Variants in DEPDC1B observed in about 807,000 individuals in gnomAD.
DEPDC1B encodes the protein DEP domain containing 1B, also known as DEP domain-containing protein 1B.
DEPDC1B carries 51 observed loss-of-function variants against 66.5 expected under a neutral mutation model. That is an observed-to-expected ratio of 0.77 (90% CI 0.61 to 0.97). DEPDC1B has a LOEUF of 0.97. Ranked by LOEUF, DEPDC1B falls within the 50% of genes least tolerant of loss-of-function variation. The probability of loss-of-function intolerance (pLI) is 0.00; values close to 1 mark genes in which losing one functional copy is unlikely to be tolerated. For missense variants in DEPDC1B, 552 were observed against 637.1 expected, an observed-to-expected ratio of 0.87 and a Z score of 1.44; for synonymous variants, 226 against 223.6, an observed-to-expected ratio of 1.01 and a Z score of -0.10.
intron 5 of DEPDC1B, 102 bp downstream of exon 5, chr5:60,644,643 C>A: frequency 1.0e-6 from 1 of 975,626 alleles, no homozygotes; most frequent in Non-Finnish European, 1.4e-6. Flanking sequence ...AATGAAGGAA[C>A]AAACTTATTC....
In DEPDC1B at chr5:60,599,093, T is replaced by G. The variant is rs1194476477; in HGVS notation, c.1410A>C (p.Lys470Asn). The change falls in exon 10 of 11, where the codon AAA becomes AAC. Residue 470 changes from lysine to asparagine, a missense_variant. Lys to Asn is a moderately conservative substitution (Grantham distance 94). Transcript: ENST00000265036. Reference protein sequence around the residue: ...ITDAKLSNKEKKKKLKQFQKS... With the variant: ...ITDAKLSNKENKKKLKQFQKS... ...CTTTTACCTGCTTCAGTTTCTTCTT[T>G]TTCTCTTTGTTGGAGAGTTTGGCAT... 1 of 1,593,770 alleles carries G rather than the reference T, an allele frequency of 6.3e-7. No individual in the cohort carries two copies. Among genetic ancestry groups the G allele is most frequent in the South Asian group, 1.2e-5 (1 of 86,174 alleles).
chr5:60,667,823 T>A (rs1352665945), intron 2 of DEPDC1B, among the ~76,000 whole-genome samples: 2 of 125,466 alleles, frequency 1.6e-5, no homozygotes, highest in African/African-American at 6.5e-5. Context: ...AAAATGGATA[T>A]TTTACATATA....
chr5:60,647,638 G>A (rs1753353333), intron 2 of DEPDC1B, 105 bp from the exon 3 acceptor site: 1 of 1,260,704 alleles, frequency 7.9e-7, no homozygotes, highest in Non-Finnish European at 1.1e-6. Context: ...ACAATAATTT[G>A]TACAATATTT....
chr5:60,639,370 A>C (rs1474945995), intron 6 of DEPDC1B, among the ~76,000 whole-genome samples: 1 of 152,244 alleles, frequency 6.6e-6, no homozygotes, highest in Non-Finnish European at 1.5e-5. Flanking sequence ...ATAAAATCCT[A>C]CAGTCATAGA....
chr5:60,668,862 GACA>G (rs796867721), intron 2 of DEPDC1B, among the ~76,000 whole-genome samples: 84 of 152,250 alleles, frequency 5.5e-4, no homozygotes, highest in African/African-American at 1.6e-3. Context: ...CAATAAAACT[GACA>G]ACATTTAAAA....
intron 7 of DEPDC1B, among the ~76,000 whole-genome samples, chr5:60,625,406 T>C (rs1292293677): frequency 2.6e-5 from 4 of 152,202 alleles, no homozygotes; most frequent in African/African-American, 7.2e-5. Context: ...CCAGCATCCG[T>C]TGTTTCCTGA....
At chr5:60,609,182 C>T (rs1384616545) in intron 7 of DEPDC1B, among the ~76,000 whole-genome samples, 1 of 152,054 alleles carries the variant, frequency 6.6e-6, no homozygotes, top group Non-Finnish European at 1.5e-5. Flanking sequence ...TAGGTAAATT[C>T]ATCTCAGGAA....
chr5:60,643,368 T>C (rs543226089), intron 5 of DEPDC1B, among the ~76,000 whole-genome samples: 32 of 152,350 alleles, frequency 2.1e-4, no homozygotes, highest in African/African-American at 7.5e-4. Flanking sequence ...AATGTTAGGC[T>C]ATTAGTATTA....
At chr5:60,672,134 G>T (rs1231558656) in intron 2 of DEPDC1B, among the ~76,000 whole-genome samples, 1 of 152,190 alleles carries the variant, frequency 6.6e-6, no homozygotes, top group Non-Finnish European at 1.5e-5. Flanking sequence ...GGGTCTGGTG[G>T]ATACAGAGAT....
At chr5:60,618,710 C>G (rs1414750950) in intron 7 of DEPDC1B, among the ~76,000 whole-genome samples, 1 of 152,182 alleles carries the variant, frequency 6.6e-6, no homozygotes, top group Non-Finnish European at 1.5e-5. Flanking sequence ...ACCACAGGTA[C>G]AAGGAGGAGC....
intron 6 of DEPDC1B, among the ~76,000 whole-genome samples, chr5:60,639,912 G>A (rs286157): frequency 0.072 from 11,006 of 152,140 alleles, 941 homozygotes; most frequent in African/African-American, 0.21. Context: ...TACCCCCAGA[G>A]GATCAAAAGC....
rs1753904998 is a variant in DEPDC1B, at chr5:60,667,887, G to GGATATTTTACATATATA, written c.314+19074_314+19075insTATATATGTAAAATATC. ...TAAAAAATGGATATTTTACATATAT[G>GGATATTTTACATATATA]TAAAAAATGGATATTTTATATATAT... is the stretch of plus-strand genomic sequence containing the variant. On this transcript the variant is annotated intron_variant, in intron 2 of 10. Coordinates refer to ENST00000265036, the MANE Select transcript of DEPDC1B (RefSeq NM_018369.3). 7.0e-5 allele frequency among the ~76,000 whole-genome samples: 3 copies of GGATATTTTACATATATA among 42,992 alleles called. 1 individual carries two copies. The highest frequency in any genetic ancestry group is 1.5e-4 in the Non-Finnish European group (3 of 20,098). The allele number at this position is 42,992 out of a possible 152,430, so 28.2% of individuals were successfully genotyped here. A position where few individuals can be genotyped will look rare whatever the true frequency, so the allele number is the denominator to read the frequency against.
In DEPDC1B at chr5:60,700,048, G is replaced by A; in HGVS notation, c.46C>T (p.Leu16=). 1 of 1,557,838 alleles carries A rather than the reference G, an allele frequency of 6.4e-7. No individual in the cohort carries two copies. The highest frequency in any genetic ancestry group is 8.7e-7 in the Non-Finnish European group (1 of 1,152,570). The change falls in exon 1 of 11, where the codon CTG becomes TTG. Residue 16 remains leucine (L), a splice_region_variant and synonymous_variant. Transcript: ENST00000265036. ...CAGGCCCCAGCACACTCACTCACCA[G>A]CCTGGTAGCTCGGTACGGCCCGGGC... ...VGPGPYRATR[L]WNETVELFRA...
intron 2 of DEPDC1B, among the ~76,000 whole-genome samples, chr5:60,656,625 A>G (rs1363444181): frequency 3.9e-5 from 6 of 152,188 alleles, no homozygotes; most frequent in Admixed American, 2.0e-4. Context: ...ATTGCTGGGG[A>G]GGCCTTAGGA....
chr5:60,623,003 A>G (rs1423398342), intron 7 of DEPDC1B, among the ~76,000 whole-genome samples: 2 of 152,092 alleles, frequency 1.3e-5, no homozygotes, highest in African/African-American at 4.8e-5. Context: ...GATGAAGTCT[A>G]TTTGATGTAA....
At chr5:60,649,339 A>G (rs951114032) in intron 2 of DEPDC1B, among the ~76,000 whole-genome samples, 8 of 152,198 alleles carry the variant, frequency 5.3e-5, no homozygotes, top group Non-Finnish European at 1.0e-4. Flanking sequence ...TGTTACATGC[A>G]AAACTGTGAC....
chr5:60,624,465 A>G (rs1164924928), intron 7 of DEPDC1B, among the ~76,000 whole-genome samples: 4 of 152,054 alleles, frequency 2.6e-5, no homozygotes, highest in African/African-American at 7.2e-5. Flanking sequence ...TGTGTAATGT[A>G]TTTGTTGGTT....
chr5:60,666,764 C>A (rs922687083), intron 2 of DEPDC1B, among the ~76,000 whole-genome samples: 1 of 152,142 alleles, frequency 6.6e-6, no homozygotes, highest in Non-Finnish European at 1.5e-5. Context: ...AGAGGTGGCA[C>A]CGACTACCCT....
At chr5:60,616,149 C>A (rs1479235857) in intron 7 of DEPDC1B, among the ~76,000 whole-genome samples, 2 of 152,094 alleles carry the variant, frequency 1.3e-5, no homozygotes, top group African/African-American at 4.8e-5. Context: ...TGTACGTCAC[C>A]ATCATCAAAG....
Sources: gnomAD v4.1 joint callset for allele counts (sites outside exome capture counted in the v4.1 genomes callset) on GRCh38, gnomAD v4.1.1 for gene constraint, MANE v1.5 for transcripts, NCBI Gene and HGNC (gene_info 2026-07-23, HGNC 2026-07-21) for gene names.